Variants in ARHGAP26 observed in about 807,000 individuals in gnomAD.
ARHGAP26 encodes Rho GTPase activating protein 26.
A neutral mutation model predicts 104.8 loss-of-function variants in ARHGAP26; 38 were observed. The observed-to-expected ratio is 0.36, with a 90% CI of 0.28 to 0.48. The LOEUF (loss-of-function observed/expected upper bound fraction) is 0.48. ARHGAP26 is among the 20% of genes least tolerant of loss of function. The pLI is 0.99. For synonymous variants in ARHGAP26, 341 were observed against 340.0 expected (o/e 1.00, Z -0.03); for missense variants, 704 against 947.9 (o/e 0.74, Z 3.38).
chr5:142,984,923 A>T (rs1774446372), intron 11 of ARHGAP26, among the ~76,000 whole-genome samples: 1 of 99,188 alleles, frequency 1.0e-5, no homozygotes, highest in African/African-American at 3.2e-5. Flanking sequence ...TCTACTTATT[A>T]AAAAAAAAAG....
rs775404572 is a variant in ARHGAP26 at position 143,057,686 on chromosome 5, G to A, written c.1477G>A (p.Val493Ile). The A allele has an allele frequency of 1.2e-6, 2 of 1,613,952 alleles. No homozygotes were observed. Among genetic ancestry groups the A allele is most frequent in the South Asian group, 2.2e-5 (2 of 91,074 alleles). Residue 493 changes from valine to isoleucine, a missense_variant, in exon 17 of 23, where the codon GTT becomes ATT. Physicochemically the swap from Val to Ile is conservative, Grantham distance 29. Coordinates refer to ENST00000645722, the MANE Select transcript of ARHGAP26 (RefSeq NM_001135608.3). ...TCGGGTCTCTGAAATCCACAGCCTT[G>A]TTCATCGGCTCCCAGAGAAAAATCG... ...ESRVSEIHSL[V>I]HRLPEKNRQM...
intron 20 of ARHGAP26, among the ~76,000 whole-genome samples, chr5:143,173,311 C>T (rs1044164762): frequency 1.3e-5 from 2 of 152,180 alleles, no homozygotes; most frequent in Non-Finnish European, 2.9e-5. Context: ...ACTAGGATTA[C>T]GAGCATGAGC....
At chr5:142,840,451 A>C (rs10085147) in intron 1 of ARHGAP26, among the ~76,000 whole-genome samples, 11,001 of 152,080 alleles carry the variant, frequency 0.072, 1,351 homozygotes, top group African/African-American at 0.25. Flanking sequence ...TTGTTTTTTG[A>C]CTATTGTTAA....
intron 17 of ARHGAP26, among the ~76,000 whole-genome samples, chr5:143,070,910 G>A (rs1349530170): frequency 6.6e-6 from 1 of 151,092 alleles, no homozygotes; most frequent in Admixed American, 6.6e-5. Context: ...TGACACTATC[G>A]CAGAAAAAAA....
At chr5:143,012,246 G>A (rs1199178035) in intron 11 of ARHGAP26, among the ~76,000 whole-genome samples, 1 of 151,588 alleles carries the variant, frequency 6.6e-6, no homozygotes, top group Non-Finnish European at 1.5e-5. Context: ...TAATAAAATG[G>A]GATGATTTGT....
intron 17 of ARHGAP26, among the ~76,000 whole-genome samples, chr5:143,091,323 A>C (rs1336352794): frequency 6.6e-6 from 1 of 152,138 alleles, no homozygotes; most frequent in Non-Finnish European, 1.5e-5. Context: ...GGCTGGTGCT[A>C]TTTACCAGAA....
chr5:142,847,223 T>G (rs1772159294), intron 1 of ARHGAP26, among the ~76,000 whole-genome samples: 1 of 152,208 alleles, frequency 6.6e-6, no homozygotes, highest in Admixed American at 6.5e-5. Flanking sequence ...CACAGTAAGA[T>G]CTCAATAAAA....
intron 14 of ARHGAP26, among the ~76,000 whole-genome samples, chr5:143,046,222 T>G (rs1278831918): frequency 6.6e-6 from 1 of 152,152 alleles, no homozygotes; most frequent in Non-Finnish European, 1.5e-5. Context: ...GAGAATCCCT[T>G]GAACCCAGGA....
rs909466823 is a variant in ARHGAP26 at position 142,878,517 on chromosome 5, A to G, written c.313-857A>G. 2.1e-5 allele frequency among the ~76,000 whole-genome samples: 3 copies of G among 145,594 alleles called. No individual in the cohort carries two copies. In the South Asian group the frequency reaches 6.8e-4, roughly 33 times the overall value. ...CAAAGTGAGCCTTTACAAGATACTGATGTGTATGTGTGTGTGTGTGCACGC... is the reference window on the plus strand; with the variant it reads ...CAAAGTGAGCCTTTACAAGATACTGGTGTGTATGTGTGTGTGTGTGCACGC... On this transcript the variant is annotated intron_variant, in intron 3 of 22. Transcript: ENST00000645722.
chr5:143,075,312 AAT>A (rs1210273526), intron 17 of ARHGAP26, among the ~76,000 whole-genome samples: 1 of 149,430 alleles, frequency 6.7e-6, no homozygotes, highest in Non-Finnish European at 1.5e-5. Context: ...TATAAATATA[AAT>A]ATATATAAAT....
At chr5:142,991,007 TA>T in intron 11 of ARHGAP26, among the ~76,000 whole-genome samples, 1 of 152,238 alleles carries the variant, frequency 6.6e-6, no homozygotes. Context: ...TAGGGATGTT[TA>T]AGTCTGCAGA....
At chr5:142,825,625 G>T (rs1218211733) in intron 1 of ARHGAP26, among the ~76,000 whole-genome samples, 2 of 152,168 alleles carry the variant, frequency 1.3e-5, no homozygotes, top group African/African-American at 2.4e-5. Flanking sequence ...TTTTTCTATT[G>T]TAATTCCTTA....
chr5:143,119,010 C>T (rs1204646778), intron 17 of ARHGAP26, among the ~76,000 whole-genome samples: 1 of 151,548 alleles, frequency 6.6e-6, no homozygotes, highest in Non-Finnish European at 1.5e-5. Context: ...TCGTCATTAT[C>T]AGAACAATTA....
At chr5:142,948,887 CTGAGGTCAGGAGTT>C (rs1306818921) in intron 11 of ARHGAP26, among the ~76,000 whole-genome samples, 3 of 151,814 alleles carry the variant, frequency 2.0e-5, no homozygotes, top group Non-Finnish European at 4.4e-5. Flanking sequence ...GATGGATCAC[CTGAGGTCAGGAGTT>C]TGAGACCAGC....
At chr5:142,825,396 G>T (rs1040745397) in intron 1 of ARHGAP26, among the ~76,000 whole-genome samples, 4 of 152,118 alleles carry the variant, frequency 2.6e-5, no homozygotes, top group Non-Finnish European at 1.5e-5. Flanking sequence ...TGGAGTTCTT[G>T]GTGCCCTTCC....
intron 20 of ARHGAP26, among the ~76,000 whole-genome samples, chr5:143,160,585 A>C (rs1398108127): frequency 6.6e-6 from 1 of 151,924 alleles, no homozygotes. Flanking sequence ...CTTAGGCTCA[A>C]GCGATCCTTC....
At chr5:142,872,852 T>C (rs545471238) in intron 1 of ARHGAP26, among the ~76,000 whole-genome samples, 24 of 152,332 alleles carry the variant, frequency 1.6e-4, no homozygotes, top group Admixed American at 3.3e-4. Flanking sequence ...AACCTGGGCC[T>C]CGCCTGTGCT....
intron 10 of ARHGAP26, among the ~76,000 whole-genome samples, chr5:142,916,165 A>G (rs941354348): frequency 3.9e-5 from 6 of 152,250 alleles, no homozygotes; most frequent in African/African-American, 1.2e-4. Context: ...TTATGTAGTG[A>G]CTAGAAATGT....
In ARHGAP26 at chr5:143,037,230, C is replaced by G. The variant is rs1310776075; in HGVS notation, c.1179C>G (p.Ile393Met). The change falls in exon 13 of 23, where the codon ATC becomes ATG. Residue 393 changes from isoleucine (I) to methionine (M), a missense_variant. Coordinates refer to ENST00000645722, the MANE Select transcript of ARHGAP26 (RefSeq NM_001135608.3). ...AQLDSIGFSIIRKCIHAVETR... is the reference protein window; with the variant it reads ...AQLDSIGFSIMRKCIHAVETR... ...TGGACAGCATTGGCTTCAGCATAAT[C>G]AGGAAATGCATCCATGCTGTGGAAA... is the stretch of plus-strand genomic sequence containing the variant. The G allele has an allele frequency of 6.2e-7, 1 of 1,604,202 alleles. No individual in the cohort carries two copies. Among genetic ancestry groups the G allele is most frequent in the Non-Finnish European group, 8.5e-7 (1 of 1,172,650 alleles).
Sources: gnomAD v4.1 joint callset for allele counts (sites outside exome capture counted in the v4.1 genomes callset) on GRCh38, gnomAD v4.1.1 for gene constraint, MANE v1.5 for transcripts, NCBI Gene and HGNC (gene_info 2026-07-23, HGNC 2026-07-21) for gene names.